Variants in PTPRT observed in about 807,000 individuals in gnomAD.
PTPRT encodes the protein receptor-type tyrosine-protein phosphatase T.
Under a neutral mutation model 176.8 loss-of-function variants are expected in PTPRT, and 56 were observed. That is an observed-to-expected ratio of 0.32 (90% CI 0.26 to 0.40). The LOEUF is 0.40. PTPRT is among the 10% of genes least tolerant of loss of function. The pLI is 1.00. For synonymous variants in PTPRT, 783 were observed against 739.0 expected (o/e 1.06, Z -0.96); for missense variants, 1,540 against 1,908.2 (o/e 0.81, Z 3.60).
chr20:42,204,934 A>G (rs931073082), intron 15 of PTPRT, among the ~76,000 whole-genome samples: 1 of 151,902 alleles, frequency 6.6e-6, no homozygotes, highest in African/African-American at 2.4e-5. Flanking sequence ...TCCCAGGGGC[A>G]GAATGAGGAC....
chr20:42,972,722 A>C (rs1207737303), intron 1 of PTPRT, among the ~76,000 whole-genome samples: 1 of 143,782 alleles, frequency 7.0e-6, no homozygotes, highest in Non-Finnish European at 1.5e-5. Context: ...TTTGAGCTTT[A>C]TTCTAAAGTG....
At position 43,038,015 on chromosome 20, in the gene PTPRT, G is replaced by A. The variant is rs148552039; in HGVS notation, c.88+151631C>T. On this transcript the variant is annotated intron_variant, in intron 1 of 30. Transcript: ENST00000373187. ...CCATCGTAAGACAGTAAAAAAATCT[G>A]ACCTAAACTGCTTCTGTGGCTACAC... Among the ~76,000 whole-genome samples, 54 of 152,230 alleles carry A rather than the reference G, an allele frequency of 3.5e-4. 1 individual carries two copies. In the East Asian group the frequency reaches 7.7e-3, roughly 22 times the overall value.
intron 15 of PTPRT, among the ~76,000 whole-genome samples, chr20:42,225,691 C>G (rs954052496): frequency 6.6e-6 from 1 of 152,150 alleles, no homozygotes; most frequent in Non-Finnish European, 1.5e-5. Flanking sequence ...CACTCTTTGT[C>G]GCCCAGGCTG....
chr20:43,163,364 C>T (rs1345827332), intron 1 of PTPRT, among the ~76,000 whole-genome samples: 4 of 152,038 alleles, frequency 2.6e-5, no homozygotes, highest in East Asian at 3.9e-4. Flanking sequence ...CTGGGCCAGG[C>T]GCGGTGGCTC....
At chr20:42,944,611 A>G (rs1980765229) in intron 1 of PTPRT, among the ~76,000 whole-genome samples, 1 of 152,122 alleles carries the variant, frequency 6.6e-6, no homozygotes, top group Non-Finnish European at 1.5e-5. Flanking sequence ...CCCAGCCCAG[A>G]GCCTTTGCAC....
intron 12 of PTPRT, among the ~76,000 whole-genome samples, chr20:42,313,836 T>C (rs1350434133): frequency 6.6e-6 from 1 of 152,196 alleles, no homozygotes; most frequent in African/African-American, 2.4e-5. Flanking sequence ...CTTCTCTTTG[T>C]AGTCTTATGC....
intron 26 of PTPRT, 98 bp downstream of exon 26, chr20:42,102,026 T>C: frequency 7.1e-7 from 1 of 1,408,410 alleles, no homozygotes; most frequent in Non-Finnish European, 9.8e-7. Context: ...GGGGGCTGGC[T>C]GGTGGGGTCA....
chr20:42,957,494 G>A (rs1265025000), intron 1 of PTPRT, among the ~76,000 whole-genome samples: 1 of 152,152 alleles, frequency 6.6e-6, no homozygotes, highest in Non-Finnish European at 1.5e-5. Context: ...AGAGACGCCA[G>A]AGCATACTTT....
chr20:43,036,949 CT>C, intron 1 of PTPRT, among the ~76,000 whole-genome samples: 1 of 152,242 alleles, frequency 6.6e-6, no homozygotes. Flanking sequence ...CTGAAATTTT[CT>C]AAGTGATAGG....
intron 14 of PTPRT, among the ~76,000 whole-genome samples, chr20:42,241,758 G>A (rs2056358437): frequency 6.6e-6 from 1 of 152,084 alleles, no homozygotes; most frequent in South Asian, 2.1e-4. Flanking sequence ...ATTTTCAGGT[G>A]TAGAGGAAGG....
At chr20:42,773,899 T>C (rs1014616240) in intron 4 of PTPRT, among the ~76,000 whole-genome samples, 1 of 152,192 alleles carries the variant, frequency 6.6e-6, no homozygotes, top group Non-Finnish European at 1.5e-5. Context: ...AGAAAATGGT[T>C]TAACCTCTGG....
chr20:42,802,132 G>T (rs1468632435), intron 2 of PTPRT, among the ~76,000 whole-genome samples: 1 of 152,208 alleles, frequency 6.6e-6, no homozygotes. Flanking sequence ...ATACCCAGTA[G>T]ATTTGGGGTG....
intron 14 of PTPRT, among the ~76,000 whole-genome samples, chr20:42,240,763 C>A (rs921106458): frequency 6.6e-6 from 1 of 152,144 alleles, no homozygotes; most frequent in Admixed American, 6.5e-5. Flanking sequence ...TCCATCTTTC[C>A]ATCATTAATT....
At chr20:42,933,722 A>C (rs1980008126) in intron 1 of PTPRT, among the ~76,000 whole-genome samples, 1 of 152,208 alleles carries the variant, frequency 6.6e-6, no homozygotes, top group Admixed American at 6.5e-5. Context: ...GGTTCCTGTC[A>C]AAGCATCCCT....
At chr20:42,036,520 C>T in the PTPRT span, among the ~76,000 whole-genome samples, 1 of 152,120 alleles carries the variant, frequency 6.6e-6, no homozygotes, top group East Asian at 1.9e-4. Flanking sequence ...TGTCTGATTC[C>T]ACAGTTGGTG....
At chr20:42,899,311 C>T (rs1383069031) in intron 1 of PTPRT, among the ~76,000 whole-genome samples, 1 of 152,226 alleles carries the variant, frequency 6.6e-6, no homozygotes, top group East Asian at 1.9e-4. Context: ...AAGGTTTTCT[C>T]GACACAGAAG....
intron 1 of PTPRT, among the ~76,000 whole-genome samples, chr20:43,038,602 ACAAG>A (rs1225684114): frequency 1.3e-5 from 2 of 152,214 alleles, no homozygotes; most frequent in East Asian, 3.8e-4. Context: ...AATTTATAGC[ACAAG>A]CAAAGCAATA....
At chr20:42,037,001 G>C in the PTPRT span, among the ~76,000 whole-genome samples, 3 of 152,172 alleles carry the variant, frequency 2.0e-5, no homozygotes, top group African/African-American at 4.8e-5. Context: ...TAGCATGCCA[G>C]AGCTGAAGCA....
At chr20:43,083,964 C>G (rs2011535642) in intron 1 of PTPRT, among the ~76,000 whole-genome samples, 1 of 152,154 alleles carries the variant, frequency 6.6e-6, no homozygotes, top group Non-Finnish European at 1.5e-5. Context: ...CTGCATGTGT[C>G]ACCATCCATT....
Sources: allele counts gnomAD v4.1 joint callset (sites outside exome capture counted in the v4.1 genomes callset), GRCh38; gene constraint gnomAD v4.1.1; transcripts MANE v1.5; gene names NCBI Gene and HGNC (gene_info 2026-07-23, HGNC 2026-07-21).